IFI16: variants seen among roughly 807,000 people sequenced by gnomAD.
IFI16 encodes gamma-interferon-inducible protein 16.
In IFI16, 49 loss-of-function variants were observed where a neutral mutation model predicts 68.4. The ratio of observed to expected loss-of-function variants is 0.72; its 90% CI spans 0.57 to 0.91. The LOEUF (loss-of-function observed/expected upper bound fraction) is 0.91. Among genes scored for constraint, IFI16 ranks in the 40% least tolerant of loss-of-function variants. The pLI, the probability that IFI16 is intolerant of heterozygous loss-of-function variation, is 0.00. For synonymous variants in IFI16, 307 were observed against 315.0 expected, an observed-to-expected ratio of 0.97 and a Z score of 0.27; for missense variants, 878 against 942.9, an observed-to-expected ratio of 0.93 and a Z score of 0.90.
chr1:159,021,372 A>G (rs1007484216), intron 6 of IFI16, among the ~76,000 whole-genome samples: 5 of 152,178 alleles, frequency 3.3e-5, no homozygotes, highest in African/African-American at 1.2e-4. Context: ...CTCCTGAGTT[A>G]CTTCACTTAG....
chr1:159,036,060 A>T (rs577387051), intron 7 of IFI16, among the ~76,000 whole-genome samples: 15 of 152,186 alleles, frequency 9.9e-5, no homozygotes, highest in Non-Finnish European at 2.1e-4. Context: ...TCTGTCAACA[A>T]GGTAAACAGA....
In IFI16 at chr1:159,055,108, TC is replaced by T. The variant is rs1655604415; in HGVS notation, c.*208del. The T allele has an allele frequency of 7.9e-6, 3 of 378,716 alleles. No homozygotes were observed. The highest frequency in any genetic ancestry group is 1.4e-5 in the Non-Finnish European group (3 of 208,006). 23.5% of individuals were successfully genotyped at this position (378,716 alleles called of 1,614,324 possible). On this transcript the variant is annotated 3_prime_UTR_variant, in exon 12 of 12. Transcript: ENST00000295809. ...AATGGCATATTTTGCATCTACAACT[TC>T]TATAATTTGAAAAAATAAATAAACA...
chr1:159,015,658 T>G (rs1465161412), intron 2 of IFI16: 2 of 518,294 alleles, frequency 3.9e-6, no homozygotes, highest in African/African-American at 3.8e-5. Flanking sequence ...AGGAAAGTGC[T>G]GAGGAGCATG....
intron 6 of IFI16, among the ~76,000 whole-genome samples, chr1:159,026,721 C>T (rs1571857272): frequency 6.6e-6 from 1 of 152,132 alleles, no homozygotes; most frequent in Admixed American, 6.6e-5. Flanking sequence ...AGGTCTTTCA[C>T]CTCCTTGGTT....
chr1:159,018,755 C>T, intron 5 of IFI16, 104 bp downstream of exon 5: 2 of 814,448 alleles, frequency 2.5e-6, no homozygotes, highest in Non-Finnish European at 4.0e-6. Context: ...TATTAGAATC[C>T]AGGACTCTGA....
At chr1:159,046,631 G>T (rs1056593288) in intron 8 of IFI16, among the ~76,000 whole-genome samples, 1 of 150,884 alleles carries the variant, frequency 6.6e-6, no homozygotes, top group African/African-American at 2.4e-5. Flanking sequence ...TACATCAGAG[G>T]TTAGTTTCAC....
rs147895390 is a variant in IFI16, at chr1:159,024,590, C to G, written c.1161+4061C>G. ...TTGCCAGGCTGTAGGAGCAGAAAAT[C>G]GATGCCTTGGCTGCAGGTGCTCACA... On this transcript the variant is annotated intron_variant, in intron 6 of 11. Coordinates refer to ENST00000295809, the MANE Select transcript of IFI16 (RefSeq NM_001376587.1). Among the ~76,000 whole-genome samples, 7 of 152,288 alleles carry G rather than the reference C, an allele frequency of 4.6e-5. No individual in the cohort carries two copies. In the East Asian group the frequency reaches 1.2e-3, roughly 25 times the overall value.
In IFI16 at chr1:159,048,459, C is replaced by T. The variant is rs373109668; in HGVS notation, c.1498-973C>T. ...AAAATGTTAACATTTAAAATGTGAACCTTTAATGAGCATAGACTGAATCCA... is the reference window on the plus strand; with the variant it reads ...AAAATGTTAACATTTAAAATGTGAATCTTTAATGAGCATAGACTGAATCCA... On this transcript the variant is annotated intron_variant, in intron 8 of 11. Transcript: ENST00000295809. 1.1e-3 allele frequency among the ~76,000 whole-genome samples: 174 copies of T among 151,568 alleles called. 3 individuals are homozygous for T. Among genetic ancestry groups the T allele is most frequent in the African/African-American group, 4.0e-3 (165 of 41,424 alleles).
At chr1:159,054,675 G>C (rs1170303571) in intron 11 of IFI16, 146 bp from the exon 12 acceptor site, 1 of 542,664 alleles carries the variant, frequency 1.8e-6, no homozygotes, top group Admixed American at 3.1e-5. Context: ...TATTAAGGGA[G>C]ATAGATGAGA....
chr1:159,054,571 C>T (rs1445985517), intron 11 of IFI16, among the ~76,000 whole-genome samples: 5 of 152,212 alleles, frequency 3.3e-5, no homozygotes, highest in Non-Finnish European at 7.3e-5. Flanking sequence ...CTGACATCTC[C>T]TGCTCTTTCA....
At chr1:159,008,666 T>C (rs994836593), upstream of IFI16, among the ~76,000 whole-genome samples, 6 of 152,166 alleles carry the variant, frequency 3.9e-5, no homozygotes, top group African/African-American at 1.4e-4. Context: ...TAAGGCCAAC[T>C]CAATGTATCC....
chr1:159,030,990 C>T (rs1000825254), intron 6 of IFI16, among the ~76,000 whole-genome samples: 1 of 151,896 alleles, frequency 6.6e-6, no homozygotes, highest in African/African-American at 2.4e-5. Context: ...CTCAGATTCC[C>T]CTTGGACAGG....
chr1:159,053,009 G>A (rs1246097679), intron 10 of IFI16: 1 of 152,710 alleles, frequency 6.5e-6, no homozygotes, highest in Non-Finnish European at 1.5e-5. Context: ...AGAACAATGT[G>A]ACTAGATAGA....
chr1:159,028,664 T>C (rs1193474533), intron 6 of IFI16, among the ~76,000 whole-genome samples: 1 of 152,198 alleles, frequency 6.6e-6, no homozygotes, highest in Non-Finnish European at 1.5e-5. Flanking sequence ...ATTTCTTAGG[T>C]TCAGTAGTAA....
intron 1 of IFI16, among the ~76,000 whole-genome samples, chr1:159,014,208 T>A (rs924090358): frequency 2.0e-5 from 3 of 152,196 alleles, no homozygotes; most frequent in African/African-American, 7.2e-5. Flanking sequence ...ACTGTAGCGC[T>A]GTAGCAGAAA....
At chr1:159,009,527 CTTATAT>C (rs577148862), upstream of IFI16, among the ~76,000 whole-genome samples, 91 of 152,246 alleles carry the variant, frequency 6.0e-4, no homozygotes, top group African/African-American at 2.1e-3. Context: ...TGTTGCTTCT[CTTATAT>C]TTGAGCATCA....
In IFI16 at chr1:159,051,898, A is replaced by T. The variant is rs759995583; in HGVS notation, c.1885A>T (p.Ile629Phe). Reference sequence around the variant, plus strand: ...AAAGGAGAAGTTCACCCCAAAGAAGATCATTGCCATAGCAAATTATGTTTG... The same window carrying T: ...AAAGGAGAAGTTCACCCCAAAGAAGTTCATTGCCATAGCAAATTATGTTTG... ...DLKEKFTPKK[I>F]IAIANYVCRN... Residue 629 changes from isoleucine (I) to phenylalanine (F), a missense_variant, in exon 10 of 12, where the codon ATC becomes TTC. Physicochemically the swap from Ile to Phe is conservative, Grantham distance 21. Coordinates refer to ENST00000295809, the MANE Select transcript of IFI16 (RefSeq NM_001376587.1). 6.2e-7 allele frequency: 1 copy of T among 1,614,112 alleles called. No individual in the cohort carries two copies. The highest frequency in any genetic ancestry group is 8.5e-7 in the Non-Finnish European group (1 of 1,179,952).
rs370236261 is a variant in IFI16 at position 159,049,511 on chromosome 1, C to T, written c.1577C>T (p.Pro526Leu). 1.6e-3 allele frequency: 2,513 copies of T among 1,596,598 alleles called. 37 individuals carry two copies. In the African/African-American group the frequency reaches 0.027, roughly 17 times the overall value. Residue 526 changes from proline to leucine, a missense_variant, in exon 9 of 12, where the codon CCG (proline) becomes CTG (leucine). By Grantham distance (98) the Pro-to-Leu change is moderately conservative. Transcript: ENST00000295809. ...AAGGAAGGGAGTCATTTTCCAGGAC[C>T]GTTCATGACCAGCATAGGCCCAGCT... is the stretch of plus-strand genomic sequence containing the variant. ...ILKEGSHFPG[P>L]FMTSIGPAES...
intron 4 of IFI16, among the ~76,000 whole-genome samples, chr1:159,017,486 GTATT>G (rs1653005754): frequency 6.6e-6 from 1 of 150,706 alleles, no homozygotes; most frequent in Non-Finnish European, 1.5e-5. Flanking sequence ...TTTTTTTTTA[GTATT>G]TATTGATCAT....
Sources: allele counts gnomAD v4.1 joint callset (sites outside exome capture counted in the v4.1 genomes callset), GRCh38; gene constraint gnomAD v4.1.1; transcripts MANE v1.5; gene names NCBI Gene and HGNC (gene_info 2026-07-23, HGNC 2026-07-21).